The following ABLIM3 variants were observed in gnomAD, a reference collection of about 807,000 sequenced individuals.
ABLIM3 encodes actin binding LIM protein family member 3.
In ABLIM3, 61 loss-of-function variants were observed where a neutral mutation model predicts 109.5. The ratio of observed to expected loss-of-function variants is 0.56; its 90% CI spans 0.45 to 0.69. ABLIM3 has a LOEUF of 0.69. Ranked by LOEUF, ABLIM3 falls within the 30% of genes least tolerant of loss-of-function variation. ABLIM3 has a pLI of 0.00. For synonymous variants in ABLIM3, 300 were observed against 324.8 expected, an observed-to-expected ratio of 0.92 and a Z score of 0.82; for missense variants, 796 against 889.5, an observed-to-expected ratio of 0.89 and a Z score of 1.34.
chr5:149,153,854 G>A (rs1365599985), intron 2 of ABLIM3, among the ~76,000 whole-genome samples: 1 of 152,152 alleles, frequency 6.6e-6, no homozygotes, highest in Non-Finnish European at 1.5e-5. Context: ...GAACATACAG[G>A]CTCCACATGC....
intron 10 of ABLIM3, 46 bp downstream of exon 10, chr5:149,233,346 C>G (rs756496400): frequency 1.9e-6 from 3 of 1,567,090 alleles, no homozygotes; most frequent in Non-Finnish European, 2.6e-6. Flanking sequence ...TTATTCCTGA[C>G]CTGGTATATA....
At chr5:149,241,431 G>A (rs1752830651) in intron 14 of ABLIM3, among the ~76,000 whole-genome samples, 1 of 152,214 alleles carries the variant, frequency 6.6e-6, no homozygotes. Flanking sequence ...GGGGCGGTCA[G>A]GAAGAGCTTC....
chr5:149,245,632 C>G (rs1415993967), intron 16 of ABLIM3, among the ~76,000 whole-genome samples: 1 of 148,408 alleles, frequency 6.7e-6, no homozygotes. Context: ...TGAGAGACCA[C>G]TTTGGCTGTA....
intron 20 of ABLIM3, 60 bp downstream of exon 20, chr5:149,250,565 A>C: frequency 6.4e-7 from 1 of 1,570,326 alleles, no homozygotes; most frequent in Non-Finnish European, 8.8e-7. Context: ...AATAAACCCA[A>C]CATTAGCTTA....
chr5:149,252,599 C>T, intron 22 of ABLIM3, 158 bp from the exon 23 acceptor site: 1 of 643,558 alleles, frequency 1.6e-6, no homozygotes, highest in Non-Finnish European at 2.7e-6. Context: ...TATCTTAAGA[C>T]TGCTGGGCAA....
At position 149,147,069 on chromosome 5, in the gene ABLIM3, T is replaced by TTCTCTCTCTC. The variant is rs200724498; in HGVS notation, c.13+4972_13+4981dup. ...ATATTCCTAGGGTTTCTCTCTCTCT[T>TTCTCTCTCTC]TCTCTCTCTCTCTCTCTCTCGCTCG... is the stretch of plus-strand genomic sequence containing the variant. On this transcript the variant is annotated intron_variant, in intron 2 of 23. Coordinates refer to ENST00000309868, the MANE Select transcript of ABLIM3 (RefSeq NM_014945.5). 3.6e-3 allele frequency among the ~76,000 whole-genome samples: 537 copies of TTCTCTCTCTC among 148,740 alleles called. 8 individuals are homozygous for TTCTCTCTCTC. The highest frequency in any genetic ancestry group is 0.012 in the African/African-American group (504 of 40,702).
Position 149,224,018 on chromosome 5 carries a change from G to T in ABLIM3, c.758-6631G>T, listed in dbSNP as rs188707678. Among the ~76,000 whole-genome samples the T allele has an allele frequency of 9.7e-4, 147 of 152,292 alleles. 5 individuals are homozygous for T. In the South Asian group the frequency reaches 0.024, roughly 25 times the overall value. On this transcript the variant is annotated intron_variant, in intron 8 of 23. Transcript: ENST00000309868. ...TTCCCATGTTGCAATGCAGTAGTAAGTGCTTGCTGTTGTCAATATTATCAG... is the reference window on the plus strand; with the variant it reads ...TTCCCATGTTGCAATGCAGTAGTAATTGCTTGCTGTTGTCAATATTATCAG...
rs572392748 is a variant in ABLIM3 at position 149,259,235 on chromosome 5, C to T, written c.*831C>T. On this transcript the variant is annotated 3_prime_UTR_variant, in exon 24 of 24. Coordinates refer to ENST00000309868, the MANE Select transcript of ABLIM3 (RefSeq NM_014945.5). ...GCAGGATTTCTTGGGACCCTCCTCT[C>T]TCCCTCACTGCTCCCAGCACCTCCT... 3 of 1,214,600 alleles carry T rather than the reference C, an allele frequency of 2.5e-6. No homozygotes were observed. Among genetic ancestry groups the T allele is most frequent in the East Asian group, 4.1e-5 (1 of 24,406 alleles). The allele number at this position is 1,214,600 out of a possible 1,614,324, so 75.2% of individuals were successfully genotyped here.
At chr5:149,225,978 G>GTATATATA (rs1761191839) in intron 8 of ABLIM3, among the ~76,000 whole-genome samples, 1 of 25,086 alleles carries the variant, frequency 4.0e-5, no homozygotes, top group Non-Finnish European at 7.1e-5. Flanking sequence ...GTGTGTGTGT[G>GTATATATA]TGTGTATATA....
intron 2 of ABLIM3, among the ~76,000 whole-genome samples, chr5:149,180,222 G>T (rs1409462443): frequency 6.6e-6 from 1 of 152,160 alleles, no homozygotes; most frequent in Non-Finnish European, 1.5e-5. Context: ...TAAGAAAAAT[G>T]TTATAAATCA....
intron 22 of ABLIM3, chr5:149,252,479 A>C: frequency 1.8e-6 from 1 of 550,042 alleles, no homozygotes. Flanking sequence ...AGACACTTAC[A>C]TTCGGGAGGT....
At chr5:149,197,377 C>A (rs939770689) in intron 3 of ABLIM3, among the ~76,000 whole-genome samples, 1 of 152,142 alleles carries the variant, frequency 6.6e-6, no homozygotes, top group Admixed American at 6.5e-5. Context: ...TCCCATGATC[C>A]CTTGCAACTG....
intron 7 of ABLIM3, chr5:149,216,685 A>G (rs1760122276): frequency 2.5e-6 from 1 of 402,854 alleles, no homozygotes; most frequent in South Asian, 5.3e-5. Flanking sequence ...AAGTTGGACC[A>G]GTGGCCTCTC....
chr5:149,195,623 G>GA lies in ABLIM3; in HGVS notation c.152-2586dup, dbSNP rs796516859. Among the ~76,000 whole-genome samples, 774 of 147,532 alleles carry GA rather than the reference G, an allele frequency of 5.2e-3. 14 individuals carry two copies. Among genetic ancestry groups the GA allele is most frequent in the African/African-American group, 0.018 (725 of 40,198 alleles). Reference sequence around the variant, plus strand: ...GAGTTGGCAAAGGAGACAAAGGAGAGAAAAAAAAAAGGGAAAAAACCGGAG... The same window carrying GA: ...GAGTTGGCAAAGGAGACAAAGGAGAGAAAAAAAAAAAGGGAAAAAACCGGAG... On this transcript the variant is annotated intron_variant, in intron 3 of 23. Coordinates refer to ENST00000309868, the MANE Select transcript of ABLIM3 (RefSeq NM_014945.5).
chr5:149,182,041 T>C (rs974397750), intron 2 of ABLIM3, among the ~76,000 whole-genome samples: 3 of 152,204 alleles, frequency 2.0e-5, no homozygotes, highest in Non-Finnish European at 4.4e-5. Context: ...CAGTTCACAT[T>C]TCACTGCCAA....
At chr5:149,253,779 C>T (rs1447447145) in intron 23 of ABLIM3, among the ~76,000 whole-genome samples, 1 of 152,148 alleles carries the variant, frequency 6.6e-6, no homozygotes, top group Non-Finnish European at 1.5e-5. Context: ...TGCTGGAGCA[C>T]ACTCTGCCCC....
At chr5:149,157,116 G>C (rs534666301) in intron 2 of ABLIM3, among the ~76,000 whole-genome samples, 2 of 152,322 alleles carry the variant, frequency 1.3e-5, no homozygotes, top group Non-Finnish European at 2.9e-5. Flanking sequence ...TCCATTCTTT[G>C]TGTTGCCTTC....
chr5:149,231,006 G>A (rs1761804927), intron 9 of ABLIM3, among the ~76,000 whole-genome samples: 1 of 152,212 alleles, frequency 6.6e-6, no homozygotes, highest in Admixed American at 6.5e-5. Context: ...GCCTCGCTGA[G>A]AAGCTCTCGC....
intron 23 of ABLIM3, among the ~76,000 whole-genome samples, chr5:149,253,705 G>A (rs1370990147): frequency 6.6e-6 from 1 of 152,174 alleles, no homozygotes; most frequent in Non-Finnish European, 1.5e-5. Context: ...GCCAGAACAT[G>A]GTGCTGGGCA....
Sources: gnomAD v4.1 joint callset for allele counts (sites outside exome capture counted in the v4.1 genomes callset) on GRCh38, gnomAD v4.1.1 for gene constraint, MANE v1.5 for transcripts, NCBI Gene and HGNC (gene_info 2026-07-23, HGNC 2026-07-21) for gene names.